EEPD1: variants seen among roughly 807,000 people sequenced by gnomAD.
The protein encoded by EEPD1 is endonuclease/exonuclease/phosphatase family domain-containing protein 1.
In EEPD1, 17 loss-of-function variants were observed where a neutral mutation model predicts 46.3. That is an observed-to-expected ratio of 0.37 (90% CI 0.25 to 0.55). The LOEUF (loss-of-function observed/expected upper bound fraction) is 0.55. EEPD1 is among the 20% of genes least tolerant of loss of function. EEPD1 has a pLI of 0.83. For missense variants in EEPD1, 673 were observed against 745.6 expected, an observed-to-expected ratio of 0.90 and a Z score of 1.13; for synonymous variants, 313 against 315.6, an observed-to-expected ratio of 0.99 and a Z score of 0.09.
intron 2 of EEPD1, among the ~76,000 whole-genome samples, chr7:36,159,732 G>C (rs1352430512): frequency 1.3e-5 from 2 of 152,204 alleles, no homozygotes; most frequent in Non-Finnish European, 2.9e-5. Context: ...GCCTCTGGGG[G>C]CCTCTGTTTT....
chr7:36,280,134 G>A (rs1417484912), intron 3 of EEPD1, among the ~76,000 whole-genome samples: 1 of 152,210 alleles, frequency 6.6e-6, no homozygotes, highest in Non-Finnish European at 1.5e-5. Flanking sequence ...TGTTCCCTTT[G>A]GGACCTGCTG....
At chr7:36,279,220 G>A (rs987465953) in intron 3 of EEPD1, among the ~76,000 whole-genome samples, 1 of 152,140 alleles carries the variant, frequency 6.6e-6, no homozygotes, top group African/African-American at 2.4e-5. Context: ...GCATCACTGG[G>A]TGCTGTGCTC....
At chr7:36,236,437 T>A (rs1786442676) in intron 2 of EEPD1, among the ~76,000 whole-genome samples, 1 of 152,206 alleles carries the variant, frequency 6.6e-6, no homozygotes, top group Non-Finnish European at 1.5e-5. Flanking sequence ...CGTTCCCTCT[T>A]CGCGGGATTG....
rs1035735427 is a variant in EEPD1 at position 36,175,810 on chromosome 7, A to G, written c.878+20608A>G. ...TAAAGGTACAAGGAGCGGTGCCACC[A>G]CTGTGGGGACCGCAGCTGGACCTGA... On this transcript the variant is annotated intron_variant, in intron 2 of 7. Transcript: ENST00000242108. 8.5e-5 allele frequency among the ~76,000 whole-genome samples: 13 copies of G among 152,160 alleles called. No individual in the cohort carries two copies. In the South Asian group the frequency reaches 1.0e-3, roughly 12 times the overall value.
chr7:36,159,127 A>AT (rs1784866410), intron 2 of EEPD1, among the ~76,000 whole-genome samples: 1 of 152,246 alleles, frequency 6.6e-6, no homozygotes, highest in Non-Finnish European at 1.5e-5. Flanking sequence ...AACATATCCC[A>AT]TCTTGTCATT....
At position 36,204,575 on chromosome 7, in the gene EEPD1, A is replaced by G. The variant is rs982060275; in HGVS notation, c.879-34410A>G. ...ACTGACCTTCCCTTAGGGTGCCCCA[A>G]TGTGATTTAGGGGCCCTCCAAGTTT... On this transcript the variant is annotated intron_variant, in intron 2 of 7. Transcript: ENST00000242108. 1.1e-4 allele frequency among the ~76,000 whole-genome samples: 16 copies of G among 152,140 alleles called. No homozygotes were observed. In the East Asian group the frequency reaches 2.5e-3, roughly 24 times the overall value.
At chr7:36,158,913 T>G (rs927966239) in intron 2 of EEPD1, among the ~76,000 whole-genome samples, 3 of 152,214 alleles carry the variant, frequency 2.0e-5, no homozygotes, top group African/African-American at 7.2e-5. Flanking sequence ...TAAGAAGATT[T>G]AACATCCCAC....
chr7:36,244,091 G>C (rs540496807), intron 3 of EEPD1, among the ~76,000 whole-genome samples: 77 of 151,380 alleles, frequency 5.1e-4, no homozygotes, highest in Non-Finnish European at 1.0e-3. Context: ...AATAGGTAGA[G>C]CCAGCAAAAA....
intron 3 of EEPD1, among the ~76,000 whole-genome samples, chr7:36,263,226 G>A (rs1209281117): frequency 6.6e-6 from 1 of 152,142 alleles, no homozygotes; most frequent in Admixed American, 6.5e-5. Context: ...CAGCTACTCG[G>A]GAGGCTGAGG....
chr7:36,246,957 C>T (rs1328945235), intron 3 of EEPD1, among the ~76,000 whole-genome samples: 2 of 151,980 alleles, frequency 1.3e-5, no homozygotes, highest in East Asian at 3.9e-4. Flanking sequence ...GAAACCCCAT[C>T]TCTACCAAAA....
At chr7:36,196,643 G>T (rs1261121525) in intron 2 of EEPD1, among the ~76,000 whole-genome samples, 1 of 152,264 alleles carries the variant, frequency 6.6e-6, no homozygotes, top group African/African-American at 2.4e-5. Flanking sequence ...CCAGCTCCTA[G>T]CCGCGAGTGA....
chr7:36,238,952 T>C, intron 2 of EEPD1, 33 bp from the exon 3 acceptor site: 1 of 1,597,564 alleles, frequency 6.3e-7, no homozygotes, highest in Non-Finnish European at 8.5e-7. Flanking sequence ...AATGATTTGT[T>C]TTCAAGTGTG....
rs541676529 is a variant in EEPD1, at chr7:36,225,226, C to G, written c.879-13759C>G. ...GTTAGAACAGCCACAGAAAACAACA[C>G]AAATGCCATGGAAAATCAAATCAGT... On this transcript the variant is annotated intron_variant, in intron 2 of 7. Coordinates refer to ENST00000242108, the MANE Select transcript of EEPD1 (RefSeq NM_030636.3). This position sits in a 1 kb window ranked among gnomAD's most constrained non-coding sequence, Gnocchi z 4.2. Among the ~76,000 whole-genome samples, 5 of 152,238 alleles carry G rather than the reference C, an allele frequency of 3.3e-5. No homozygotes were observed. The East Asian group carries it at 5.8e-4, about 18-fold the overall frequency.
intron 6 of EEPD1, among the ~76,000 whole-genome samples, chr7:36,296,030 CAAAAAA>C (rs34494609): frequency 4.2e-5 from 3 of 71,952 alleles, no homozygotes; most frequent in South Asian, 6.7e-4. Context: ...GACTGTCTCA[CAAAAAA>C]AAAAAAAAAA....
chr7:36,173,784 T>C (rs1785129743), intron 2 of EEPD1, among the ~76,000 whole-genome samples: 3 of 152,196 alleles, frequency 2.0e-5, no homozygotes, highest in African/African-American at 7.2e-5. Context: ...TTTTTCTGTG[T>C]GTACCCACTG....
chr7:36,182,813 A>G (rs1292840171), intron 2 of EEPD1, among the ~76,000 whole-genome samples: 1 of 152,256 alleles, frequency 6.6e-6, no homozygotes, highest in Non-Finnish European at 1.5e-5. Flanking sequence ...TGCAGGCACT[A>G]AAAACTGCAC....
chr7:36,209,036 G>A (rs1171087540), intron 2 of EEPD1, among the ~76,000 whole-genome samples: 2 of 152,172 alleles, frequency 1.3e-5, no homozygotes, highest in African/African-American at 2.4e-5. Context: ...TTTGGCCTTC[G>A]ACAAGTTGTG....
intron 3 of EEPD1, among the ~76,000 whole-genome samples, chr7:36,268,550 C>T (rs1454962963): frequency 6.6e-6 from 1 of 152,228 alleles, no homozygotes; most frequent in Non-Finnish European, 1.5e-5. Context: ...CTATCCATGC[C>T]AGCAGTGCTT....
chr7:36,224,552 T>G (rs1786199938), intron 2 of EEPD1, among the ~76,000 whole-genome samples: 1 of 152,140 alleles, frequency 6.6e-6, no homozygotes, highest in Non-Finnish European at 1.5e-5. Context: ...GAAGATAGTT[T>G]TGGGAAAATA....
Sources: gnomAD v4.1 joint callset for allele counts (sites outside exome capture counted in the v4.1 genomes callset) on GRCh38, gnomAD v4.1.1 for gene constraint, Gnocchi (gnomAD v3.1) non-coding constraint, MANE v1.5 for transcripts, NCBI Gene and HGNC (gene_info 2026-07-23, HGNC 2026-07-21) for gene names.